Variants in MRPL35 observed in about 807,000 individuals in gnomAD.
The protein encoded by MRPL35 is large ribosomal subunit protein bL35m.
A neutral mutation model predicts 21.6 loss-of-function variants in MRPL35; 18 were observed. The ratio of observed to expected loss-of-function variants is 0.83; its 90% CI spans 0.58 to 1.24. The LOEUF is 1.24. Among genes scored for constraint, MRPL35 ranks in the 50% most tolerant of loss-of-function variants. The pLI is 0.00. For missense variants in MRPL35, 223 were observed against 223.2 expected, an observed-to-expected ratio of 1.00 and a Z score of 0.01; for synonymous variants, 87 against 86.9, an observed-to-expected ratio of 1.00 and a Z score of -0.01.
At position 86,212,495 on chromosome 2, in the gene MRPL35, C is replaced by A. The variant is rs1573974467; in HGVS notation, c.*1827C>A. On this transcript the variant is annotated 3_prime_UTR_variant, in exon 4 of 4. Transcript: ENST00000337109. Reference sequence around the variant, plus strand: ...TGCCTGGCTCCTGCTCTCTGATGTACCTCTGGGTAGTGAGATGGAAATGGT... The same window carrying A: ...TGCCTGGCTCCTGCTCTCTGATGTAACTCTGGGTAGTGAGATGGAAATGGT... 3 of 1,611,012 alleles carry A rather than the reference C, an allele frequency of 1.9e-6. No homozygotes were observed. The East Asian group carries it at 6.7e-5, about 36-fold the overall frequency.
At chr2:86,206,394 G>A (rs547474056) in intron 2 of MRPL35, 99 bp downstream of exon 2, 171 of 1,134,640 alleles carry the variant, frequency 1.5e-4, no homozygotes, top group Non-Finnish European at 2.0e-4. Context: ...GTGCAGTGGT[G>A]CATTCTCAGC....
At chr2:86,199,567 T>G (rs772356806) in intron 1 of MRPL35, 34 bp downstream of exon 1, 1 of 1,613,386 alleles carries the variant, frequency 6.2e-7, no homozygotes, top group African/African-American at 1.3e-5. Flanking sequence ...ATGCATGCCT[T>G]CACAGAAGGG....
chr2:86,210,196 C>T (rs1673873592), intron 3 of MRPL35, among the ~76,000 whole-genome samples: 1 of 152,100 alleles, frequency 6.6e-6, no homozygotes, highest in Non-Finnish European at 1.5e-5. Flanking sequence ...ACTTTCCCAG[C>T]CACACACATT....
At chr2:86,208,378 C>G (rs923171840) in intron 3 of MRPL35, among the ~76,000 whole-genome samples, 3 of 151,904 alleles carry the variant, frequency 2.0e-5, no homozygotes, top group Admixed American at 1.3e-4. Flanking sequence ...ACAATCTTGG[C>G]TCACTGTGAC....
intron 1 of MRPL35, among the ~76,000 whole-genome samples, chr2:86,199,869 A>G (rs758106214): frequency 2.6e-5 from 4 of 152,152 alleles, no homozygotes; most frequent in Non-Finnish European, 5.9e-5. Context: ...GCCATTCACG[A>G]CCTTTAACCT....
rs1673908917 is a variant in MRPL35 at position 86,211,934 on chromosome 2, A to G, written c.*1266A>G. On this transcript the variant is annotated 3_prime_UTR_variant, in exon 4 of 4. Transcript: ENST00000337109. Reference sequence around the variant, plus strand: ...AGAAAGTAATCTCAGTTGTTTTAGAAACGAAAAAGTTAAGCATTGTTTACT... The same window carrying G: ...AGAAAGTAATCTCAGTTGTTTTAGAGACGAAAAAGTTAAGCATTGTTTACT... The G allele has an allele frequency of 1.0e-6, 1 of 985,882 alleles. No individual in the cohort carries two copies. Among genetic ancestry groups the G allele is most frequent in the African/African-American group, 1.7e-5 (1 of 57,376 alleles). 61.1% of individuals were successfully genotyped at this position (985,882 alleles called of 1,614,324 possible).
intron 2 of MRPL35, 59 bp from the exon 3 acceptor site, chr2:86,207,124 G>T: frequency 6.8e-7 from 1 of 1,479,494 alleles, no homozygotes; most frequent in South Asian, 1.3e-5. Flanking sequence ...TATAGATAAT[G>T]AATTTTAATC....
At chr2:86,203,990 C>CT (rs59000498) in intron 1 of MRPL35, among the ~76,000 whole-genome samples, 5,082 of 145,444 alleles carry the variant, frequency 0.035, 126 homozygotes, top group East Asian at 0.1. Flanking sequence ...GTATTTTTCG[C>CT]TTTTTTTTTT....
intron 1 of MRPL35, among the ~76,000 whole-genome samples, chr2:86,204,960 C>A (rs898344417): frequency 6.6e-6 from 1 of 152,152 alleles, no homozygotes; most frequent in South Asian, 2.1e-4. Context: ...ATTCTGAGGC[C>A]GGGCACGGTG....
rs1673911168 is a variant in MRPL35, at chr2:86,212,040, C to G, written c.*1372C>G. ...GGGCAGTGGTTCCCAACTCTCCGAT[C>G]AGAATCATCTGGGAAGCATTTTCAA... On this transcript the variant is annotated 3_prime_UTR_variant, in exon 4 of 4. Coordinates refer to ENST00000337109, the MANE Select transcript of MRPL35 (RefSeq NM_016622.4). 3 of 1,039,856 alleles carry G rather than the reference C, an allele frequency of 2.9e-6. No homozygotes were observed. Among genetic ancestry groups the G allele is most frequent in the South Asian group, 3.4e-5 (1 of 29,574 alleles). The allele number at this position is 1,039,856 out of a possible 1,614,324, so 64.4% of individuals were successfully genotyped here.
At chr2:86,202,451 C>G (rs1234066753) in intron 1 of MRPL35, among the ~76,000 whole-genome samples, 2 of 152,138 alleles carry the variant, frequency 1.3e-5, no homozygotes, top group Non-Finnish European at 2.9e-5. Context: ...AAAAGAATTT[C>G]ATAGGTTTTA....
At chr2:86,201,038 T>G (rs1007378682) in intron 1 of MRPL35, among the ~76,000 whole-genome samples, 1 of 152,208 alleles carries the variant, frequency 6.6e-6, no homozygotes, top group Middle Eastern at 3.2e-3. Context: ...CAAAGCTGAT[T>G]GATCTCATCC....
chr2:86,205,689 C>CT (rs1673774989), intron 1 of MRPL35, among the ~76,000 whole-genome samples: 1 of 152,204 alleles, frequency 6.6e-6, no homozygotes, highest in South Asian at 2.1e-4. Context: ...CTTCGAGAAT[C>CT]TTTCTGTCGC....
Position 86,199,507 on chromosome 2 carries a change from T to C in MRPL35, c.17T>C (p.Phe6Ser). 6.2e-7 allele frequency: 1 copy of C among 1,614,196 alleles called. No individual in the cohort carries two copies. Among genetic ancestry groups the C allele is most frequent in the South Asian group, 1.1e-5 (1 of 91,086 alleles). MAASA[F>S]AGAVRAASGI... ...AAGGTGAAGATGGCTGCCTCTGCCT[T>C]TGCTGGTGCAGTGAGAGCAGCTTCA... Residue 6 changes from phenylalanine (F) to serine (S), a missense_variant, in exon 1 of 4, where the codon TTT becomes TCT. By Grantham distance (155) the Phe-to-Ser change is radical. Transcript: ENST00000337109.
At chr2:86,202,031 A>C (rs1465835512) in intron 1 of MRPL35, among the ~76,000 whole-genome samples, 1 of 152,262 alleles carries the variant, frequency 6.6e-6, no homozygotes, top group Non-Finnish European at 1.5e-5. Context: ...TCTGTATGAA[A>C]ATGCCCAGAC....
intron 1 of MRPL35, among the ~76,000 whole-genome samples, chr2:86,202,582 C>T (rs1573969455): frequency 6.7e-6 from 1 of 150,372 alleles, no homozygotes; most frequent in East Asian, 1.9e-4. Context: ...TACATCTGCA[C>T]ATCTTTTCAG....
chr2:86,211,435 G>A lies in MRPL35; in HGVS notation c.*767G>A, dbSNP rs754486323. 4 of 985,310 alleles carry A rather than the reference G, an allele frequency of 4.1e-6. No homozygotes were observed. Among genetic ancestry groups the A allele is most frequent in the Non-Finnish European group, 4.8e-6 (4 of 829,952 alleles). 61.0% of individuals were successfully genotyped at this position (985,310 alleles called of 1,614,324 possible). On this transcript the variant is annotated 3_prime_UTR_variant, in exon 4 of 4. Coordinates refer to ENST00000337109, the MANE Select transcript of MRPL35 (RefSeq NM_016622.4). Reference sequence around the variant, plus strand: ...TCAGGAGCCCGCTTTGTATTAGCAGGTTTGCATGCAGCAAAAAAACAGTTA... The same window carrying A: ...TCAGGAGCCCGCTTTGTATTAGCAGATTTGCATGCAGCAAAAAAACAGTTA...
At chr2:86,200,682 CTT>C (rs35668584) in intron 1 of MRPL35, among the ~76,000 whole-genome samples, 12 of 145,418 alleles carry the variant, frequency 8.3e-5, no homozygotes, top group African/African-American at 1.3e-4. Flanking sequence ...CTATATAATT[CTT>C]TTTTTTTTTT....
intron 3 of MRPL35, among the ~76,000 whole-genome samples, chr2:86,209,856 A>G (rs1673867471): frequency 6.6e-6 from 1 of 152,162 alleles, no homozygotes; most frequent in Admixed American, 6.5e-5. Flanking sequence ...AAAAATTTAA[A>G]AAGTAGCTGG....
Sources: gnomAD v4.1 joint callset for allele counts (sites outside exome capture counted in the v4.1 genomes callset) on GRCh38, gnomAD v4.1.1 for gene constraint, MANE v1.5 for transcripts, NCBI Gene and HGNC (gene_info 2026-07-23, HGNC 2026-07-21) for gene names.